ZGPAT: variants seen among roughly 807,000 people sequenced by gnomAD.
The protein encoded by ZGPAT is zinc finger CCCH-type with G patch domain-containing protein.
A neutral mutation model predicts 47.9 loss-of-function variants in ZGPAT; 39 were observed. The observed-to-expected ratio is 0.81, with a 90% CI of 0.63 to 1.06. The LOEUF is 1.06. Ranked by LOEUF, ZGPAT falls within the 50% of genes least tolerant of loss-of-function variation. ZGPAT has a pLI of 0.00. For missense variants in ZGPAT, 717 were observed against 681.4 expected, an observed-to-expected ratio of 1.05 and a Z score of -0.58; for synonymous variants, 348 against 292.9, an observed-to-expected ratio of 1.19 and a Z score of -1.92.
At chr20:63,728,332 G>T (rs868862753) in intron 2 of ZGPAT, among the ~76,000 whole-genome samples, 1 of 152,078 alleles carries the variant, frequency 6.6e-6, no homozygotes, top group African/African-American at 2.4e-5. Context: ...CACCACGCAC[G>T]GCCTTAAATT....
intron 2 of ZGPAT, among the ~76,000 whole-genome samples, chr20:63,732,373 T>TGC (rs994976897): frequency 6.9e-6 from 1 of 144,838 alleles, no homozygotes; most frequent in African/African-American, 2.6e-5. Flanking sequence ...TCAGGGTGTG[T>TGC]GTGCGCGCAT....
At chr20:63,710,837 C>A (rs1432089089) in intron 2 of ZGPAT, among the ~76,000 whole-genome samples, 1 of 152,174 alleles carries the variant, frequency 6.6e-6, no homozygotes, top group Non-Finnish European at 1.5e-5. Context: ...CTTCCATATT[C>A]AAATATGAAC....
At chr20:63,712,061 A>G (rs779594768) in intron 2 of ZGPAT, among the ~76,000 whole-genome samples, 13 of 152,220 alleles carry the variant, frequency 8.5e-5, no homozygotes, top group Non-Finnish European at 1.8e-4. Context: ...TTTTGTCATC[A>G]GGTTTAAGAA....
rs769739125 is a variant in ZGPAT at position 63,708,620 on chromosome 20, C to T, written c.40C>T (p.Arg14Cys). The change falls in exon 2 of 7, where the codon CGT becomes TGT. Residue 14 changes from arginine (R) to cysteine (C), a missense_variant. By Grantham distance (180) the Arg-to-Cys change is radical (BLOSUM62 -3). Coordinates refer to ENST00000355969, the MANE Select transcript of ZGPAT (RefSeq NM_181485.3). ...CCTGGAGTCGGCCTTGCAGACCTACCGTGCGCAGCTGCAGCAGGTGGAGCT... is the reference window on the plus strand; with the variant it reads ...CCTGGAGTCGGCCTTGCAGACCTACTGTGCGCAGCTGCAGCAGGTGGAGCT... The part of the protein sequence containing the change: ...ESLESALQTY[R>C]AQLQQVELAL... 5.0e-6 allele frequency: 8 copies of T among 1,610,888 alleles called. No homozygotes were observed. The South Asian group carries it at 5.5e-5, about 11-fold the overall frequency.
rs1401554044 is a variant in ZGPAT, at chr20:63,709,071, G to T, written c.491G>T (p.Gly164Val). Residue 164 changes from glycine (G) to valine (V), a missense_variant, in exon 2 of 7, where the codon GGT becomes GTT. Coordinates refer to ENST00000355969, the MANE Select transcript of ZGPAT (RefSeq NM_181485.3). ...GTEEAEDGSA[G>V]VRVLYLYPTH... ...GAAGAGGCGGAGGATGGCTCGGCGG[G>T]TGTCCGTGTGCTTTACCTGTACCCC... The T allele has an allele frequency of 1.2e-6, 2 of 1,613,466 alleles. No individual in the cohort carries two copies. The highest frequency in any genetic ancestry group is 4.5e-5 in the East Asian group (2 of 44,868).
intron 2 of ZGPAT, among the ~76,000 whole-genome samples, chr20:63,731,857 A>G (rs1160498295): frequency 6.6e-6 from 1 of 152,214 alleles, no homozygotes; most frequent in African/African-American, 2.4e-5. Flanking sequence ...TATAACAACT[A>G]TTTACATAGC....
At chr20:63,721,185 C>T (rs993157872) in intron 2 of ZGPAT, among the ~76,000 whole-genome samples, 1 of 151,902 alleles carries the variant, frequency 6.6e-6, no homozygotes, top group African/African-American at 2.4e-5. Context: ...AACCCTGTCT[C>T]TACTAAAAAT....
rs528738245 is a variant in ZGPAT at position 63,735,880 on chromosome 20, G to A, written c.1497G>A (p.Gln499=). Residue 499 remains glutamine, a synonymous_variant, in exon 7 of 7, where the codon CAG becomes CAA. Transcript: ENST00000355969. ...AGGAAGCCGGCCTGCAGCAGGAGCA[G>A]AGGAAGGCAGACACCCACAAGAAGA... ...RAQEAGLQQE[Q]RKADTHKKMT... The A allele has an allele frequency of 9.3e-6, 15 of 1,612,932 alleles. No individual in the cohort carries two copies. The highest frequency in any genetic ancestry group is 2.7e-5 in the African/African-American group (2 of 75,054).
rs2091988185 is a variant in ZGPAT at position 63,736,126 on chromosome 20, A to T, written c.*207A>T. On this transcript the variant is annotated 3_prime_UTR_variant, in exon 7 of 7. Coordinates refer to ENST00000355969, the MANE Select transcript of ZGPAT (RefSeq NM_181485.3). ...TTTCCTTGGCAAGGACATTAAAGTG[A>T]TTTCATCACAGTGTCATTCAGTGGA... 1 of 684,948 alleles carries T rather than the reference A, an allele frequency of 1.5e-6. No individual in the cohort carries two copies. Among genetic ancestry groups the T allele is most frequent in the African/African-American group, 1.8e-5 (1 of 55,044 alleles). The allele number at this position is 684,948 out of a possible 1,614,324, so 42.4% of individuals were successfully genotyped here. A position where few individuals can be genotyped will look rare whatever the true frequency, so the allele number is the denominator to read the frequency against.
intron 2 of ZGPAT, among the ~76,000 whole-genome samples, chr20:63,731,674 G>A (rs1425193666): frequency 6.6e-6 from 1 of 151,310 alleles, no homozygotes; most frequent in East Asian, 2.0e-4. Flanking sequence ...GTGATTGTGT[G>A]TGCATATGTG....
At chr20:63,722,778 A>AC (rs1208554325) in intron 2 of ZGPAT, among the ~76,000 whole-genome samples, 2 of 151,662 alleles carry the variant, frequency 1.3e-5, no homozygotes, top group Non-Finnish European at 2.9e-5. Flanking sequence ...GACTACAGGC[A>AC]CCCCCACCAC....
Position 63,733,292 on chromosome 20 carries a change from G to C in ZGPAT, c.658G>C (p.Ala220Pro). 6.2e-7 allele frequency: 1 copy of C among 1,613,578 alleles called. No individual in the cohort carries two copies. Among genetic ancestry groups the C allele is most frequent in the Non-Finnish European group, 8.5e-7 (1 of 1,179,954 alleles). Reference sequence around the variant, plus strand: ...GGACCCAGACCTGAGCTCCCTGCAGGCCGGCTCTGCGTGTCTGGCCAAGCA... The same window carrying C: ...GGACCCAGACCTGAGCTCCCTGCAGCCCGGCTCTGCGTGTCTGGCCAAGCA... ...FQDPDLSSLQ[A>P]GSACLAKHQD... is the part of the protein sequence containing the mutation. The change falls in exon 3 of 7, where the codon GCC (alanine) becomes CCC (proline). Residue 220 changes from alanine (A) to proline (P), a missense_variant. By Grantham distance (27) the Ala-to-Pro change is conservative. Coordinates refer to ENST00000355969, the MANE Select transcript of ZGPAT (RefSeq NM_181485.3).
rs146715155 is a variant in ZGPAT at position 63,716,865 on chromosome 20, A to G, written c.584+7701A>G. Among the ~76,000 whole-genome samples, 7 of 152,230 alleles carry G rather than the reference A, an allele frequency of 4.6e-5. No individual in the cohort carries two copies. In the East Asian group the frequency reaches 1.2e-3, roughly 25 times the overall value. On this transcript the variant is annotated intron_variant, in intron 2 of 6. Transcript: ENST00000355969. ...CCTGGCTGATTTTTATATTTTTAGT[A>G]GAGATGGGATTTCACCATGTTGGCC... is the stretch of plus-strand genomic sequence containing the variant.
At chr20:63,717,697 A>G (rs762773679) in intron 2 of ZGPAT, among the ~76,000 whole-genome samples, 18 of 152,158 alleles carry the variant, frequency 1.2e-4, no homozygotes, top group Non-Finnish European at 1.8e-4. Context: ...CAGCCTCCCA[A>G]GTAGCTGGGA....
At chr20:63,732,697 T>C (rs2091927854) in intron 2 of ZGPAT, among the ~76,000 whole-genome samples, 1 of 151,942 alleles carries the variant, frequency 6.6e-6, no homozygotes, top group Admixed American at 6.6e-5. Context: ...TGTATGCATG[T>C]GTATACATGT....
At chr20:63,727,364 C>A (rs2091855940) in intron 2 of ZGPAT, among the ~76,000 whole-genome samples, 1 of 151,878 alleles carries the variant, frequency 6.6e-6, no homozygotes, top group African/African-American at 2.4e-5. Flanking sequence ...GTTTTAGCCT[C>A]CCAAGTAGCA....
At chr20:63,723,119 C>A (rs1444375536) in intron 2 of ZGPAT, among the ~76,000 whole-genome samples, 1 of 151,144 alleles carries the variant, frequency 6.6e-6, no homozygotes, top group Non-Finnish European at 1.5e-5. Context: ...TGACACAGCT[C>A]CATCCTCCCT....
Position 63,733,670 on chromosome 20 carries a change from C to T in ZGPAT, c.802C>T (p.Pro268Ser). Residue 268 changes from proline to serine, a missense_variant, in exon 4 of 7, where the codon CCA becomes TCA. Coordinates refer to ENST00000355969, the MANE Select transcript of ZGPAT (RefSeq NM_181485.3). ...GGTGGAGGGGGACGGCATCCTGCCCCCACTGCGCACAGAGGCCACAGAGTC... is the reference window on the plus strand; with the variant it reads ...GGTGGAGGGGGACGGCATCCTGCCCTCACTGCGCACAGAGGCCACAGAGTC... Reference protein sequence around the residue: ...AVVEGDGILPPLRTEATESDS... With the variant: ...AVVEGDGILPSLRTEATESDS... 4.3e-6 allele frequency: 7 copies of T among 1,614,002 alleles called. No homozygotes were observed. Among genetic ancestry groups the T allele is most frequent in the Non-Finnish European group, 5.1e-6 (6 of 1,180,010 alleles).
intron 2 of ZGPAT, chr20:63,729,970 G>A (rs2091879978): frequency 6.6e-6 from 1 of 151,030 alleles, no homozygotes; most frequent in Non-Finnish European, 1.5e-5. Flanking sequence ...GCAGTGAGCT[G>A]TGATCCTACC....
Sources: allele counts gnomAD v4.1 joint callset (sites outside exome capture counted in the v4.1 genomes callset), GRCh38; gene constraint gnomAD v4.1.1; transcripts MANE v1.5; gene names NCBI Gene and HGNC (gene_info 2026-07-23, HGNC 2026-07-21).